The following PAK5 variants were observed in gnomAD, a reference collection of about 807,000 sequenced individuals.
PAK5 encodes the protein serine/threonine-protein kinase PAK 5.
A neutral mutation model predicts 65.9 loss-of-function variants in PAK5; 16 were observed. The observed-to-expected ratio is 0.24, with a 90% confidence interval of 0.16 to 0.37. The LOEUF is 0.37. PAK5 is among the 10% of genes least tolerant of loss of function. PAK5 has a pLI of 1.00. For missense variants in PAK5, 785 were observed against 903.9 expected (o/e 0.87, Z 1.69); for synonymous variants, 371 against 354.9 (o/e 1.05, Z -0.51).
intron 3 of PAK5, among the ~76,000 whole-genome samples, chr20:9,612,005 ACT>A: frequency 6.6e-6 from 1 of 151,320 alleles, no homozygotes. Context: ...GTCCTGAAAA[ACT>A]CTGTTCTCCT....
At chr20:9,606,448 C>A (rs1219767297) in intron 3 of PAK5, among the ~76,000 whole-genome samples, 8 of 152,128 alleles carry the variant, frequency 5.3e-5, no homozygotes, top group Admixed American at 5.2e-4. Context: ...TGGACTAATA[C>A]ACAGGTGCTT....
intron 2 of PAK5, among the ~76,000 whole-genome samples, chr20:9,662,903 G>A (rs901300401): frequency 6.6e-6 from 1 of 152,078 alleles, no homozygotes. Flanking sequence ...GGCAGATGCA[G>A]GATTCATGTC....
intron 2 of PAK5, among the ~76,000 whole-genome samples, chr20:9,694,304 TTGTGTGTGTGTGTGTTTGTGTG>T (rs1176985493): frequency 1.0e-4 from 11 of 106,298 alleles, no homozygotes; most frequent in African/African-American, 3.8e-4. Flanking sequence ...GTGTGTGTGT[TTGTGTGTGTGTGTGTTTGTGTG>T]TGTGTGTGTG....
At chr20:9,716,978 G>A (rs1045859030) in intron 1 of PAK5, among the ~76,000 whole-genome samples, 1 of 151,944 alleles carries the variant, frequency 6.6e-6, no homozygotes, top group Non-Finnish European at 1.5e-5. Context: ...CCAGCTACTT[G>A]GAAGGCTGGG....
At chr20:9,552,722 TA>T in intron 7 of PAK5, among the ~76,000 whole-genome samples, 1 of 64,192 alleles carries the variant, frequency 1.6e-5, no homozygotes, top group African/African-American at 7.5e-5. Flanking sequence ...TAAAATTTTT[TA>T]GTTTTTTTTT....
chr20:9,591,553 C>A (rs190625105), intron 3 of PAK5, among the ~76,000 whole-genome samples: 45 of 151,992 alleles, frequency 3.0e-4, no homozygotes, highest in Non-Finnish European at 4.7e-4. Context: ...GCCTTTAAAG[C>A]AACTTGAAAA....
chr20:9,824,042 A>T lies in PAK5; in HGVS notation c.-162+14720T>A, dbSNP rs6141049. On this transcript the variant is annotated intron_variant, in intron 1 of 9. Transcript: ENST00000353224. Reference sequence around the variant, plus strand: ...AGATAGTGTTTACAAAACATATAACACAATATCTGGCATATAATACATGTT... The same window carrying T: ...AGATAGTGTTTACAAAACATATAACTCAATATCTGGCATATAATACATGTT... 3.0e-3 allele frequency among the ~76,000 whole-genome samples: 453 copies of T among 152,352 alleles called. 23 individuals carry two copies. In the East Asian group the frequency reaches 0.081, roughly 27 times the overall value.
At chr20:9,732,785 A>G (rs2048348045) in intron 1 of PAK5, among the ~76,000 whole-genome samples, 1 of 152,058 alleles carries the variant, frequency 6.6e-6, no homozygotes, top group African/African-American at 2.4e-5. Flanking sequence ...CCCCAACAAA[A>G]TCCCCAAAAT....
chr20:9,817,327 C>T (rs777304570), intron 1 of PAK5, among the ~76,000 whole-genome samples: 78 of 152,178 alleles, frequency 5.1e-4, no homozygotes, highest in Non-Finnish European at 1.0e-3. Flanking sequence ...GCTTCAGGTA[C>T]CAGCAAATGT....
At chr20:9,738,228 T>G (rs1168358701) in intron 1 of PAK5, among the ~76,000 whole-genome samples, 1 of 152,038 alleles carries the variant, frequency 6.6e-6, no homozygotes, top group Non-Finnish European at 1.5e-5. Flanking sequence ...AATGGAAAAT[T>G]GTATAACCCA....
chr20:9,573,719 CA>C (rs1479175490), intron 4 of PAK5, among the ~76,000 whole-genome samples: 1 of 152,104 alleles, frequency 6.6e-6, no homozygotes, highest in African/African-American at 2.4e-5. Context: ...GTTCTGAGGG[CA>C]GGGGGGCCGT....
At chr20:9,602,291 A>AAAAT (rs200878141) in intron 3 of PAK5, among the ~76,000 whole-genome samples, 300 of 141,948 alleles carry the variant, frequency 2.1e-3, no homozygotes, top group East Asian at 4.3e-3. Context: ...CTCTGTCTCA[A>AAAAT]AAATAAATAA....
chr20:9,637,622 A>G (rs949468678), intron 3 of PAK5, among the ~76,000 whole-genome samples: 1 of 152,206 alleles, frequency 6.6e-6, no homozygotes, highest in Non-Finnish European at 1.5e-5. Context: ...TAAATTGAAA[A>G]AAAAGCTAGA....
intron 1 of PAK5, among the ~76,000 whole-genome samples, chr20:9,836,579 T>A (rs529753890): frequency 6.6e-6 from 1 of 152,284 alleles, no homozygotes; most frequent in South Asian, 2.1e-4. Context: ...AACATCTTGA[T>A]TTTGGACCTC....
intron 2 of PAK5, among the ~76,000 whole-genome samples, chr20:9,695,080 T>C (rs565328092): frequency 2.6e-5 from 4 of 152,170 alleles, no homozygotes; most frequent in Admixed American, 6.6e-5. Context: ...ATTGTCATTC[T>C]GGTGGGTGTG....
At position 9,599,456 on chromosome 20, in the gene PAK5, G is replaced by C. The variant is rs116638681; in HGVS notation, c.205-18526C>G. ...TTTTCCACAGCAGCTGCACCATTTG[G>C]TATTCCCATCAGCACTGCATGAGGA... On this transcript the variant is annotated intron_variant, in intron 3 of 9. Coordinates refer to ENST00000353224, the MANE Select transcript of PAK5 (RefSeq NM_177990.4). Among the ~76,000 whole-genome samples, 1,297 of 152,250 alleles carry C rather than the reference G, an allele frequency of 8.5e-3. 14 individuals are homozygous for C. The highest frequency in any genetic ancestry group is 0.029 in the African/African-American group (1,190 of 41,538).
chr20:9,551,758 T>C (rs971973713), intron 7 of PAK5, among the ~76,000 whole-genome samples: 5 of 152,174 alleles, frequency 3.3e-5, no homozygotes, highest in African/African-American at 1.2e-4. Flanking sequence ...GAGAGCCTGT[T>C]AGAAATGCAG....
At chr20:9,578,438 A>G (rs2045923723) in intron 4 of PAK5, among the ~76,000 whole-genome samples, 1 of 152,202 alleles carries the variant, frequency 6.6e-6, no homozygotes, top group Non-Finnish European at 1.5e-5. Flanking sequence ...CCCACCCAAT[A>G]TTCATTTCCA....
At chr20:9,590,026 C>T (rs1334344793) in intron 3 of PAK5, among the ~76,000 whole-genome samples, 5 of 151,838 alleles carry the variant, frequency 3.3e-5, no homozygotes, top group African/African-American at 7.3e-5. Context: ...CTTGCTCTGT[C>T]TTCCAGGCTG....
Sources: allele counts gnomAD v4.1 joint callset (sites outside exome capture counted in the v4.1 genomes callset), GRCh38; gene constraint gnomAD v4.1.1; transcripts MANE v1.5; gene names NCBI Gene and HGNC (gene_info 2026-07-23, HGNC 2026-07-21).